The following SSU72 variants were observed in gnomAD, a reference collection of about 807,000 sequenced individuals.
SSU72 encodes SSU72 homolog, RNA polymerase II CTD phosphatase.
In SSU72, 12 loss-of-function variants were observed where a neutral mutation model predicts 22.7. That is an observed-to-expected ratio of 0.53 (90% CI 0.34 to 0.86). SSU72 has a LOEUF of 0.86. SSU72 is among the 40% of genes least tolerant of loss of function. SSU72 has a pLI of 0.02. For missense variants in SSU72, 151 were observed against 249.8 expected, an observed-to-expected ratio of 0.60 and a Z score of 2.67; for synonymous variants, 116 against 98.3, an observed-to-expected ratio of 1.18 and a Z score of -1.06.
In SSU72 at chr1:1,554,754, G is replaced by A. The variant is rs901940067; in HGVS notation, c.225-9752C>T. On this transcript the variant is annotated intron_variant, in intron 2 of 4. Coordinates refer to ENST00000291386, the MANE Select transcript of SSU72 (RefSeq NM_014188.3). The surrounding 1 kb of genome is among the most constrained non-coding windows in gnomAD (Gnocchi z 4.1). ...ACGGCCTGGGAAAAAGCCATGTCAG[G>A]TGCAGCACGCTGGCCACAGGCACTG... is the stretch of plus-strand genomic sequence containing the variant. Among the ~76,000 whole-genome samples the A allele has an allele frequency of 6.6e-6, 1 of 152,078 alleles. No homozygotes were observed. The highest frequency in any genetic ancestry group is 1.5e-5 in the Non-Finnish European group (1 of 68,006).
chr1:1,561,111 G>C (rs983315094), intron 2 of SSU72: 4 of 152,110 alleles, frequency 2.6e-5, no homozygotes, highest in Admixed American at 2.0e-4. Context: ...TTGAGACAGA[G>C]TCTCACTCTG....
At chr1:1,573,429 CAAAAAAAAAAAAAAAAAAA>C (rs56930035) in intron 1 of SSU72, among the ~76,000 whole-genome samples, 2,453 of 107,572 alleles carry the variant, frequency 0.023, 70 homozygotes, top group African/African-American at 0.06. Context: ...GACTCTGTCT[CAAAAAAAAAAAAAAAAAAA>C]AAAAAAAAGA....
chr1:1,543,850 C>T lies in SSU72; in HGVS notation c.483+19G>A, dbSNP rs1368117721. ...CTGTCACAACCTCTGCCCAGCGCGG[C>T]GCCCAGCCGGGTACTTACACACTGG... On this transcript the variant is annotated intron_variant, in intron 4 of 4. Coordinates refer to ENST00000291386, the MANE Select transcript of SSU72 (RefSeq NM_014188.3). The T allele has an allele frequency of 8.8e-6, 14 of 1,593,056 alleles. No homozygotes were observed. Among genetic ancestry groups the T allele is most frequent in the East Asian group, 2.2e-5 (1 of 44,766 alleles).
At chr1:1,552,563 G>A (rs1407703558) in intron 2 of SSU72, among the ~76,000 whole-genome samples, 1 of 152,224 alleles carries the variant, frequency 6.6e-6, no homozygotes, top group African/African-American at 2.4e-5. Flanking sequence ...GAGCTCCAGG[G>A]CAGGGCCATC....
intron 2 of SSU72, among the ~76,000 whole-genome samples, chr1:1,549,921 C>T (rs912022486): frequency 8.0e-5 from 12 of 149,168 alleles, no homozygotes; most frequent in Admixed American, 1.4e-4. Flanking sequence ...TGCAGTGAGC[C>T]GAGATTGCGC....
intron 2 of SSU72, among the ~76,000 whole-genome samples, chr1:1,548,338 C>T (rs1256852422): frequency 2.6e-5 from 4 of 152,186 alleles, no homozygotes; most frequent in East Asian, 1.9e-4. Context: ...ACAGGCGGAT[C>T]ACAAGGTCAG....
At position 1,542,060 on chromosome 1, in the gene SSU72, C is replaced by G. The variant is rs1642327482; in HGVS notation, c.*6G>C. The G allele has an allele frequency of 6.4e-7, 1 of 1,571,074 alleles. No homozygotes were observed. Among genetic ancestry groups the G allele is most frequent in the East Asian group, 2.3e-5 (1 of 43,044 alleles). ...CTCCAGAGGCGGCTCCATGCGGGCG[C>G]TGGGCTCAGTAGAAGCAGACGGTGT... On this transcript the variant is annotated 3_prime_UTR_variant, in exon 5 of 5. Transcript: ENST00000291386. This position sits in a 1 kb window ranked among gnomAD's most constrained non-coding sequence, Gnocchi z 4.4.
intron 1 of SSU72, among the ~76,000 whole-genome samples, chr1:1,569,412 G>T (rs955239987): frequency 6.6e-6 from 1 of 152,144 alleles, no homozygotes; most frequent in African/African-American, 2.4e-5. Flanking sequence ...CCCAGAGAAC[G>T]CTAACATGTC....
chr1:1,546,716 A>G lies in SSU72; in HGVS notation c.225-1714T>C, dbSNP rs1194446483. Among the ~76,000 whole-genome samples the G allele has an allele frequency of 2.0e-5, 3 of 151,970 alleles. No homozygotes were observed. The East Asian group carries it at 5.8e-4, about 29-fold the overall frequency. ...GCCAGGTGGGGCGGCACACACCTGT[A>G]ATCTCAGCTACAGCTACTCAGGAGG... On this transcript the variant is annotated intron_variant, in intron 2 of 4. Coordinates refer to ENST00000291386, the MANE Select transcript of SSU72 (RefSeq NM_014188.3).
intron 2 of SSU72, among the ~76,000 whole-genome samples, chr1:1,551,589 A>AG (rs1386086749): frequency 1.3e-5 from 2 of 152,188 alleles, no homozygotes; most frequent in African/African-American, 4.8e-5. Context: ...CTGGTCAGGG[A>AG]GGGGGAGGCC....
At position 1,564,139 on chromosome 1, in the gene SSU72, G is replaced by A. The variant is rs573092523; in HGVS notation, c.224+634C>T. 394 of 168,276 alleles carry A rather than the reference G, an allele frequency of 2.3e-3. 2 individuals are homozygous for A. The highest frequency in any genetic ancestry group is 3.4e-3 in the Non-Finnish European group (270 of 79,264). 10.4% of individuals were successfully genotyped at this position (168,276 alleles called of 1,614,324 possible). ...CCATGAAATGCCTGGTCAAAAACCC[G>A]GGCACTGATTGTCATAACCATTATG... On this transcript the variant is annotated intron_variant, in intron 2 of 4. Transcript: ENST00000291386.
At chr1:1,545,087 T>G in intron 2 of SSU72, 85 bp from the exon 3 acceptor site, 3 of 1,508,756 alleles carry the variant, frequency 2.0e-6, no homozygotes, top group South Asian at 1.3e-5. Flanking sequence ...ACCCAGCCCC[T>G]TCCCTGCCCC....
Position 1,543,861 on chromosome 1 carries a change from G to A in SSU72, c.483+8C>T. ...TCTGCCCAGCGCGGCGCCCAGCCGG[G>A]TACTTACACACTGGCAGAGCTCACA... On this transcript the variant is annotated splice_region_variant and intron_variant, in intron 4 of 4. Coordinates refer to ENST00000291386, the MANE Select transcript of SSU72 (RefSeq NM_014188.3). 1 of 1,608,054 alleles carries A rather than the reference G, an allele frequency of 6.2e-7. No individual in the cohort carries two copies. The highest frequency in any genetic ancestry group is 8.5e-7 in the Non-Finnish European group (1 of 1,175,454).
chr1:1,547,878 G>C (rs1173846948), intron 2 of SSU72, among the ~76,000 whole-genome samples: 2 of 152,196 alleles, frequency 1.3e-5, no homozygotes, highest in Non-Finnish European at 1.5e-5. Context: ...CCCATCTTCC[G>C]GACACCTGCG....
chr1:1,565,737 G>GGGAACCGA (rs1553132346), intron 1 of SSU72, among the ~76,000 whole-genome samples: 9 of 152,108 alleles, frequency 5.9e-5, no homozygotes, highest in South Asian at 2.1e-4. Context: ...CTTGTTCCTT[G>GGGAACCGA]GACTTCCTAG....
chr1:1,552,742 C>T (rs1386325552), intron 2 of SSU72, among the ~76,000 whole-genome samples: 5 of 152,148 alleles, frequency 3.3e-5, no homozygotes, highest in African/African-American at 7.2e-5. Flanking sequence ...GTGGACTGGC[C>T]GGGCGCGGTG....
intron 1 of SSU72, among the ~76,000 whole-genome samples, chr1:1,570,711 C>A (rs936660997): frequency 2.0e-5 from 3 of 152,214 alleles, no homozygotes; most frequent in African/African-American, 7.2e-5. Flanking sequence ...ATGGAGCAGA[C>A]AACAGAACAA....
At chr1:1,555,797 A>G (rs1338357867) in intron 2 of SSU72, among the ~76,000 whole-genome samples, 2 of 152,000 alleles carry the variant, frequency 1.3e-5, no homozygotes, top group Non-Finnish European at 2.9e-5. Context: ...CAGGAATCCA[A>G]GACCAGCCTG....
intron 2 of SSU72, chr1:1,563,807 G>A (rs1466419433): frequency 6.6e-6 from 1 of 152,300 alleles, no homozygotes; most frequent in Non-Finnish European, 1.5e-5. Flanking sequence ...AGTCTGCAGT[G>A]AGCCAAGATC....
Sources: gnomAD v4.1 joint callset for allele counts (sites outside exome capture counted in the v4.1 genomes callset) on GRCh38, gnomAD v4.1.1 for gene constraint, Gnocchi (gnomAD v3.1) non-coding constraint, MANE v1.5 for transcripts, NCBI Gene and HGNC (gene_info 2026-07-23, HGNC 2026-07-21) for gene names.